Variants in NR3C2 observed in about 807,000 individuals in gnomAD.
NR3C2 encodes mineralocorticoid receptor.
A neutral mutation model predicts 86.4 loss-of-function variants in NR3C2; 15 were observed. That is an observed-to-expected ratio of 0.17 (90% CI 0.12 to 0.27). NR3C2 has a LOEUF of 0.27. Ranked by LOEUF, NR3C2 falls within the 10% of genes least tolerant of loss-of-function variation. The pLI, the probability that NR3C2 is intolerant of heterozygous loss-of-function variation, is 1.00. For synonymous variants in NR3C2, 458 were observed against 450.5 expected (o/e 1.02, Z -0.21); for missense variants, 960 against 1,195.6 (o/e 0.80, Z 2.91).
At chr4:148,335,124 T>G (rs1171144278) in intron 2 of NR3C2, among the ~76,000 whole-genome samples, 1 of 152,176 alleles carries the variant, frequency 6.6e-6, no homozygotes, top group Non-Finnish European at 1.5e-5. Flanking sequence ...TTTGATATAT[T>G]AGGTGTTAGG....
At chr4:148,208,434 A>G (rs1342305255) in intron 3 of NR3C2, 1 of 152,158 alleles carries the variant, frequency 6.6e-6, no homozygotes, top group Non-Finnish European at 1.5e-5. Context: ...GTTGGGCTCA[A>G]TTTCTGTTAA....
intron 2 of NR3C2, among the ~76,000 whole-genome samples, chr4:148,419,141 TACC>T (rs1450000922): frequency 6.6e-6 from 1 of 151,872 alleles, no homozygotes; most frequent in East Asian, 1.9e-4. Flanking sequence ...CATAAATATT[TACC>T]ACATGTTATG....
chr4:148,416,092 T>C (rs79591585), intron 2 of NR3C2, among the ~76,000 whole-genome samples: 2 of 152,192 alleles, frequency 1.3e-5, no homozygotes, highest in Non-Finnish European at 2.9e-5. Flanking sequence ...ATTTTCTTCA[T>C]AGACATAGCT....
upstream of NR3C2, chr4:148,444,846 G>T: frequency 3.0e-6 from 3 of 985,030 alleles, no homozygotes; most frequent in Non-Finnish European, 3.6e-6. Flanking sequence ...GTTGACAGCG[G>T]CGTCCCTGGG....
intron 2 of NR3C2, among the ~76,000 whole-genome samples, chr4:148,332,523 C>T (rs78207027): frequency 0.016 from 2,501 of 152,236 alleles, 63 homozygotes; most frequent in African/African-American, 0.057. Flanking sequence ...CAATAGTTAT[C>T]TCTGAGAGGT....
chr4:148,402,949 CT>C (rs1301312180), intron 2 of NR3C2, among the ~76,000 whole-genome samples: 1 of 151,796 alleles, frequency 6.6e-6, no homozygotes, highest in Non-Finnish European at 1.5e-5. Flanking sequence ...TTGAGGGTGT[CT>C]TTTTTTGTAA....
chr4:148,353,137 G>A (rs1745379078), intron 2 of NR3C2, among the ~76,000 whole-genome samples: 1 of 151,946 alleles, frequency 6.6e-6, no homozygotes, highest in African/African-American at 2.4e-5. Context: ...ATCTCAAAAT[G>A]CTCCCAAGAC....
chr4:148,393,135 T>G (rs1168365733), intron 2 of NR3C2, among the ~76,000 whole-genome samples: 1 of 152,212 alleles, frequency 6.6e-6, no homozygotes, highest in Non-Finnish European at 1.5e-5. Flanking sequence ...ACAAATTAAT[T>G]TCCTTATCTT....
chr4:148,247,229 A>G (rs1739360446), intron 3 of NR3C2, among the ~76,000 whole-genome samples: 2 of 152,318 alleles, frequency 1.3e-5, no homozygotes, highest in South Asian at 4.1e-4. Flanking sequence ...TTAAAAATGC[A>G]ATAATTTTCT....
chr4:148,153,642 T>C (rs1179167467), intron 5 of NR3C2, among the ~76,000 whole-genome samples: 1 of 152,202 alleles, frequency 6.6e-6, no homozygotes, highest in Non-Finnish European at 1.5e-5. Context: ...CTGCTTTAGA[T>C]TAATGAACTG....
intron 2 of NR3C2, among the ~76,000 whole-genome samples, chr4:148,363,851 G>A (rs115655690): frequency 1.8e-3 from 276 of 152,216 alleles, no homozygotes; most frequent in African/African-American, 6.2e-3. Flanking sequence ...CTTCAAAGGG[G>A]TAAAAATACT....
At chr4:148,298,582 A>G (rs1416573615) in intron 2 of NR3C2, among the ~76,000 whole-genome samples, 2 of 152,236 alleles carry the variant, frequency 1.3e-5, no homozygotes, top group African/African-American at 4.8e-5. Flanking sequence ...GAACTGAAAT[A>G]TGACAAAATG....
At position 148,081,336 on chromosome 4, in the gene NR3C2, G is replaced by A. The variant is rs746345406; in HGVS notation, c.*8C>T. 1 of 1,614,210 alleles carries A rather than the reference G, an allele frequency of 6.2e-7. No individual in the cohort carries two copies. The highest frequency in any genetic ancestry group is 2.2e-5 in the East Asian group (1 of 44,882). The stretch of plus-strand genomic sequence containing the variant: ...ACTTAAGGCAAAGTTCTTCTGGGCA[G>A]CGGGCAGTCACTTCCGGTGGAAGTA... On this transcript the variant is annotated 3_prime_UTR_variant, in exon 9 of 9. Coordinates refer to ENST00000358102, the MANE Select transcript of NR3C2 (RefSeq NM_000901.5).
intron 2 of NR3C2, among the ~76,000 whole-genome samples, chr4:148,393,727 A>G (rs1391366704): frequency 6.6e-6 from 1 of 152,196 alleles, no homozygotes; most frequent in East Asian, 1.9e-4. Flanking sequence ...TTGTTTTTTA[A>G]ACATGCCAAT....
chr4:148,359,981 CG>C (rs1745760754), intron 2 of NR3C2, among the ~76,000 whole-genome samples: 1 of 152,060 alleles, frequency 6.6e-6, no homozygotes, highest in Admixed American at 6.6e-5. Flanking sequence ...GGAGCAACCC[CG>C]GGGTTTGCTT....
chr4:148,240,538 T>G (rs1373260948), intron 3 of NR3C2, among the ~76,000 whole-genome samples: 1 of 152,020 alleles, frequency 6.6e-6, no homozygotes, highest in Middle Eastern at 3.2e-3. Context: ...TGCTAGGAGA[T>G]GCTAGTTTCA....
intron 2 of NR3C2, among the ~76,000 whole-genome samples, chr4:148,297,374 T>C (rs552685812): frequency 6.6e-5 from 10 of 152,364 alleles, no homozygotes; most frequent in Non-Finnish European, 1.5e-4. Context: ...CATTTTCTTA[T>C]TTAAAAATAC....
chr4:148,323,023 G>A (rs1743710136), intron 2 of NR3C2, among the ~76,000 whole-genome samples: 1 of 149,244 alleles, frequency 6.7e-6, no homozygotes, highest in African/African-American at 2.5e-5. Flanking sequence ...TCTACTTTTG[G>A]TCTTTGATGA....
intron 6 of NR3C2, among the ~76,000 whole-genome samples, chr4:148,126,625 G>T (rs1732759917): frequency 6.6e-6 from 1 of 152,150 alleles, no homozygotes; most frequent in Admixed American, 6.5e-5. Flanking sequence ...ATTAAAGAGA[G>T]ACCTCAGATT....
Sources: gnomAD v4.1 joint callset for allele counts (sites outside exome capture counted in the v4.1 genomes callset) on GRCh38, gnomAD v4.1.1 for gene constraint, MANE v1.5 for transcripts, NCBI Gene and HGNC (gene_info 2026-07-23, HGNC 2026-07-21) for gene names.